The following CALCRL variants were observed in gnomAD, a reference collection of about 807,000 sequenced individuals.
The protein encoded by CALCRL is calcitonin receptor like receptor.
CALCRL carries 27 observed loss-of-function variants against 60.4 expected under a neutral mutation model. The observed-to-expected ratio is 0.45, with a 90% CI of 0.33 to 0.62. The LOEUF (loss-of-function observed/expected upper bound fraction) is 0.62, where lower values mean the gene tolerates loss of function less well. Among genes scored for constraint, CALCRL ranks in the 20% least tolerant of loss-of-function variants. CALCRL has a pLI of 0.03. For missense variants in CALCRL, 424 were observed against 540.7 expected, an observed-to-expected ratio of 0.78 and a Z score of 2.14; for synonymous variants, 190 against 182.6, an observed-to-expected ratio of 1.04 and a Z score of -0.33.
chr2:187,440,370 G>A (rs1451780198), intron 1 of CALCRL, among the ~76,000 whole-genome samples: 2 of 152,120 alleles, frequency 1.3e-5, no homozygotes, highest in Non-Finnish European at 2.9e-5. Flanking sequence ...TTGTCAGAGT[G>A]TAAACATCTA....
chr2:187,359,367 C>A (rs1025402001), intron 10 of CALCRL, 95 bp from the exon 11 acceptor site: 5 of 865,896 alleles, frequency 5.8e-6, no homozygotes, highest in South Asian at 1.9e-5. Context: ...CAAAGATACT[C>A]TAGGAGCAAA....
chr2:187,416,526 G>A (rs1386315912), intron 1 of CALCRL, among the ~76,000 whole-genome samples: 1 of 151,980 alleles, frequency 6.6e-6, no homozygotes, highest in Non-Finnish European at 1.5e-5. Context: ...AAAAATATTG[G>A]GAAATGTAAA....
intron 5 of CALCRL, among the ~76,000 whole-genome samples, chr2:187,381,750 G>A (rs763848843): frequency 1.3e-5 from 2 of 152,036 alleles, no homozygotes; most frequent in African/African-American, 4.8e-5. Context: ...CACCACACCC[G>A]GCCCAAAAGT....
intron 12 of CALCRL, 39 bp downstream of exon 12, chr2:187,359,024 A>C (rs1211785823): frequency 1.8e-5 from 27 of 1,500,440 alleles, no homozygotes; most frequent in Non-Finnish European, 2.4e-5. Flanking sequence ...TAAAGTTGAA[A>C]TGTGAGCAAT....
chr2:187,412,793 G>A (rs1689423096), intron 1 of CALCRL, among the ~76,000 whole-genome samples: 1 of 152,184 alleles, frequency 6.6e-6, no homozygotes, highest in Admixed American at 6.5e-5. Context: ...TGGCTTTCAG[G>A]TTTTAAAGCC....
chr2:187,444,350 T>C (rs1691068812), intron 1 of CALCRL, among the ~76,000 whole-genome samples: 2 of 151,624 alleles, frequency 1.3e-5, no homozygotes, highest in Non-Finnish European at 3.0e-5. Context: ...ATAGGGGTTA[T>C]TTATGTATTC....
chr2:187,395,714 G>A (rs1223936190), intron 1 of CALCRL, among the ~76,000 whole-genome samples: 1 of 151,886 alleles, frequency 6.6e-6, no homozygotes, highest in Non-Finnish European at 1.5e-5. Flanking sequence ...TTACTTCATT[G>A]ATTTCAAACA....
chr2:187,401,046 T>G (rs1013666310), intron 1 of CALCRL, among the ~76,000 whole-genome samples: 11 of 151,588 alleles, frequency 7.3e-5, no homozygotes, highest in African/African-American at 2.4e-4. Context: ...TGTGCAGGCT[T>G]GTTACATGGG....
chr2:187,351,730 A>G (rs1283726384), intron 14 of CALCRL, among the ~76,000 whole-genome samples, 190 bp downstream of exon 14: 1 of 151,852 alleles, frequency 6.6e-6, no homozygotes, highest in African/African-American at 2.4e-5. Context: ...TTTGAACTCC[A>G]ATATGACCTG....
chr2:187,360,568 G>A, intron 10 of CALCRL, 30 bp downstream of exon 10: 1 of 1,563,132 alleles, frequency 6.4e-7, no homozygotes, highest in Non-Finnish European at 8.7e-7. Context: ...TTAATCCACT[G>A]AATCAACAAG....
intron 1 of CALCRL, among the ~76,000 whole-genome samples, chr2:187,389,072 T>C (rs1315992967): frequency 6.7e-6 from 1 of 150,250 alleles, no homozygotes; most frequent in Non-Finnish European, 1.5e-5. Flanking sequence ...TCTTCTTCTT[T>C]TTTTTTTTTT....
intron 8 of CALCRL, among the ~76,000 whole-genome samples, chr2:187,374,368 A>G (rs771934076): frequency 1.3e-5 from 2 of 152,188 alleles, no homozygotes; most frequent in Non-Finnish European, 2.9e-5. Context: ...AAAGATTTGT[A>G]GAGTCAATTA....
chr2:187,421,195 T>A (rs1427178004), intron 1 of CALCRL, among the ~76,000 whole-genome samples: 2 of 152,230 alleles, frequency 1.3e-5, no homozygotes, highest in Non-Finnish European at 2.9e-5. Context: ...AGCTACATAA[T>A]CCTATAGTTC....
In CALCRL at chr2:187,351,917, T is replaced by A; in HGVS notation, c.1170+3A>T. 6.5e-7 allele frequency: 1 copy of A among 1,547,998 alleles called. No homozygotes were observed. The highest frequency in any genetic ancestry group is 8.9e-7 in the Non-Finnish European group (1 of 1,123,246). On this transcript the variant is annotated splice_donor_region_variant and intron_variant, in intron 14 of 14. Transcript: ENST00000392370. ...ATAGAAGGAATAAAATCAATTATCATACCTCTCCATTAAAGAAGCAGAAAA... is the reference window on the plus strand; with the variant it reads ...ATAGAAGGAATAAAATCAATTATCAAACCTCTCCATTAAAGAAGCAGAAAA...
intron 1 of CALCRL, among the ~76,000 whole-genome samples, chr2:187,417,338 C>T (rs1574300575): frequency 6.6e-6 from 1 of 152,004 alleles, no homozygotes; most frequent in African/African-American, 2.4e-5. Context: ...CTAAAAGCAT[C>T]AATGGAACCC....
chr2:187,415,961 A>C (rs1689585964), intron 1 of CALCRL: 1 of 198,736 alleles, frequency 5.0e-6, no homozygotes, highest in South Asian at 1.3e-4. Context: ...CCCTCTTCAC[A>C]GTTTCCATGC....
intron 1 of CALCRL, among the ~76,000 whole-genome samples, chr2:187,429,792 A>G (rs1690317793): frequency 6.6e-6 from 1 of 152,232 alleles, no homozygotes; most frequent in Admixed American, 6.5e-5. Context: ...AGACCAGGCT[A>G]ATGAAGAGAA....
At chr2:187,363,070 G>A (rs1430407997) in intron 9 of CALCRL, among the ~76,000 whole-genome samples, 1 of 152,090 alleles carries the variant, frequency 6.6e-6, no homozygotes, top group African/African-American at 2.4e-5. Flanking sequence ...GTGAAGATAT[G>A]TGTACATGTA....
intron 1 of CALCRL, among the ~76,000 whole-genome samples, chr2:187,420,782 T>C (rs929169510): frequency 5.3e-5 from 8 of 152,298 alleles, no homozygotes; most frequent in African/African-American, 1.9e-4. Context: ...TCTTGGTTTA[T>C]TGATACACAA....
Sources: allele counts gnomAD v4.1 joint callset (sites outside exome capture counted in the v4.1 genomes callset), GRCh38; gene constraint gnomAD v4.1.1; transcripts MANE v1.5; gene names NCBI Gene and HGNC (gene_info 2026-07-23, HGNC 2026-07-21).